The following ELP4 variants were observed in gnomAD, a reference collection of about 807,000 sequenced individuals.
ELP4 encodes elongator complex protein 4.
Under a neutral mutation model 48.9 loss-of-function variants are expected in ELP4, and 51 were observed. The observed-to-expected ratio is 1.04, with a 90% CI of 0.83 to 1.32. The LOEUF (loss-of-function observed/expected upper bound fraction) is 1.32. Among genes scored for constraint, ELP4 ranks in the 40% most tolerant of loss-of-function variants. The pLI is 0.00. For synonymous variants in ELP4, 210 were observed against 189.2 expected (o/e 1.11, Z -0.90); for missense variants, 519 against 514.6 (o/e 1.01, Z -0.08).
At chr11:31,670,855 C>T (rs1945792587) in intron 9 of ELP4, among the ~76,000 whole-genome samples, 1 of 151,400 alleles carries the variant, frequency 6.6e-6, no homozygotes, top group East Asian at 1.9e-4. Context: ...TTATTTTTTT[C>T]TAACCAAGAA....
intron 9 of ELP4, among the ~76,000 whole-genome samples, chr11:31,659,106 A>G (rs900554166): frequency 1.3e-5 from 2 of 152,158 alleles, no homozygotes; most frequent in Non-Finnish European, 2.9e-5. Context: ...TTTAAAAGGT[A>G]GAATTGTGGA....
intron 3 of ELP4, among the ~76,000 whole-genome samples, chr11:31,570,171 T>C (rs1372824312): frequency 2.0e-5 from 3 of 152,216 alleles, no homozygotes; most frequent in Non-Finnish European, 4.4e-5. Context: ...CATGGAATAC[T>C]ATGCAGCCAT....
At chr11:31,735,329 C>T (rs187731215) in intron 9 of ELP4, among the ~76,000 whole-genome samples, 38 of 152,174 alleles carry the variant, frequency 2.5e-4, no homozygotes, top group Admixed American at 1.4e-3. Flanking sequence ...TTGGATATGA[C>T]GTGAAAAGCA....
At chr11:31,597,954 T>C (rs1044730675) in intron 4 of ELP4, among the ~76,000 whole-genome samples, 4 of 135,102 alleles carry the variant, frequency 3.0e-5, no homozygotes, top group African/African-American at 5.5e-5. Flanking sequence ...CCTTTTCTCT[T>C]TTTTTTTTTT....
At chr11:31,546,301 A>C (rs533880626) in intron 3 of ELP4, among the ~76,000 whole-genome samples, 2,553 of 152,190 alleles carry the variant, frequency 0.017, 74 homozygotes, top group African/African-American at 0.059. Context: ...TCTACCAAGC[A>C]AATGGAAAAC....
intron 9 of ELP4, among the ~76,000 whole-genome samples, chr11:31,668,788 T>C (rs1275477563): frequency 6.6e-6 from 1 of 151,688 alleles, no homozygotes; most frequent in African/African-American, 2.4e-5. Flanking sequence ...AGGATGAAGC[T>C]GTTTCTTATT....
At chr11:31,777,852 T>C (rs961676574) in intron 9 of ELP4, among the ~76,000 whole-genome samples, 7 of 152,206 alleles carry the variant, frequency 4.6e-5, no homozygotes, top group African/African-American at 1.7e-4. Context: ...TAAGCCATTT[T>C]TGGAAGAGGG....
intron 6 of ELP4, among the ~76,000 whole-genome samples, chr11:31,631,695 A>G (rs1329131300): frequency 6.6e-6 from 1 of 152,134 alleles, no homozygotes; most frequent in Non-Finnish European, 1.5e-5. Context: ...TATTACTTTA[A>G]GAGCAGCTTC....
intron 9 of ELP4, among the ~76,000 whole-genome samples, chr11:31,712,341 G>A (rs1176254901): frequency 6.6e-6 from 1 of 152,014 alleles, no homozygotes; most frequent in African/African-American, 2.4e-5. Context: ...AAAAGAACCT[G>A]TGTGAACTTA....
intron 4 of ELP4, among the ~76,000 whole-genome samples, chr11:31,595,629 C>T (rs1449318536): frequency 2.0e-5 from 3 of 152,188 alleles, no homozygotes; most frequent in East Asian, 1.9e-4. Context: ...ATACCTTTAA[C>T]TTCAAATGCC....
intron 3 of ELP4, among the ~76,000 whole-genome samples, chr11:31,578,908 G>A (rs1287041591): frequency 6.6e-6 from 1 of 152,146 alleles, no homozygotes; most frequent in African/African-American, 2.4e-5. Context: ...AACACCAAAA[G>A]CAATGACAAC....
intron 9 of ELP4, 88 bp from the exon 10 acceptor site, chr11:31,783,305 A>G (rs1232223921): frequency 4.2e-6 from 5 of 1,184,124 alleles, no homozygotes; most frequent in Non-Finnish European, 6.1e-6. Context: ...AGAGCATAAT[A>G]TTGTAATCTG....
chr11:31,604,019 A>G, intron 5 of ELP4, 112 bp downstream of exon 5: 1 of 730,734 alleles, frequency 1.4e-6, no homozygotes, highest in Non-Finnish European at 2.0e-6. Context: ...ATAATAATAA[A>G]TATTAGTTTT....
intron 9 of ELP4, among the ~76,000 whole-genome samples, chr11:31,757,208 G>A (rs926291030): frequency 2.0e-5 from 3 of 152,142 alleles, no homozygotes; most frequent in Non-Finnish European, 4.4e-5. Context: ...GCTATACCCA[G>A]ACTATGGAAA....
chr11:31,661,909 T>G (rs1482660442), intron 9 of ELP4, among the ~76,000 whole-genome samples: 1 of 152,032 alleles, frequency 6.6e-6, no homozygotes, highest in African/African-American at 2.4e-5. Context: ...CAATTTTATT[T>G]AAATACACAT....
chr11:31,682,971 T>G (rs1946085908), intron 9 of ELP4, among the ~76,000 whole-genome samples: 1 of 152,138 alleles, frequency 6.6e-6, no homozygotes. Context: ...ATGCCTTTAT[T>G]TCACCCATAG....
intron 1 of ELP4, among the ~76,000 whole-genome samples, chr11:31,517,367 T>A (rs1451227905): frequency 6.6e-6 from 1 of 151,936 alleles, no homozygotes; most frequent in Admixed American, 6.6e-5. Context: ...TTTCACCTTG[T>A]TGGCCAGGAT....
At chr11:31,748,462 C>G (rs528963132) in intron 9 of ELP4, among the ~76,000 whole-genome samples, 1 of 151,094 alleles carries the variant, frequency 6.6e-6, no homozygotes, top group Admixed American at 6.6e-5. Flanking sequence ...CCAGGCTGGT[C>G]TTGAACTCCT....
At position 31,783,615 on chromosome 11, in the gene ELP4, A is replaced by C. The variant is rs1592311662; in HGVS notation, c.*91A>C. ...TGTAAATATTTTTCTTAACAATTTG[A>C]CCCTCCACTCCTTGAAAAACACAGG... On this transcript the variant is annotated 3_prime_UTR_variant, in exon 10 of 10. Transcript: ENST00000640961. 5.6e-6 allele frequency: 7 copies of C among 1,242,418 alleles called. No homozygotes were observed. Among genetic ancestry groups the C allele is most frequent in the Admixed American group, 2.6e-5 (1 of 38,036 alleles). 77.0% of individuals were successfully genotyped at this position (1,242,418 alleles called of 1,614,324 possible).
Sources: allele counts gnomAD v4.1 joint callset (sites outside exome capture counted in the v4.1 genomes callset), GRCh38; gene constraint gnomAD v4.1.1; transcripts MANE v1.5; gene names NCBI Gene and HGNC (gene_info 2026-07-23, HGNC 2026-07-21).